Variants in P2RY2 observed in about 807,000 individuals in gnomAD.
The protein encoded by P2RY2 is P2Y purinoceptor 2.
For synonymous variants in P2RY2, 241 were observed against 231.9 expected, an observed-to-expected ratio of 1.04 and a Z score of -0.35; for missense variants, 567 against 515.7, an observed-to-expected ratio of 1.10 and a Z score of -0.96.
chr11:73,222,913 C>A (rs1040238203), intron 1 of P2RY2, among the ~76,000 whole-genome samples: 6 of 152,218 alleles, frequency 3.9e-5, no homozygotes, highest in African/African-American at 1.4e-4. Context: ...AAGGGCCCAG[C>A]AGAGTGCAAT....
intron 2 of P2RY2, among the ~76,000 whole-genome samples, chr11:73,229,852 G>A (rs546398571): frequency 2.8e-4 from 42 of 152,216 alleles, no homozygotes; most frequent in South Asian, 6.2e-4. Flanking sequence ...TGGCGTGAAG[G>A]GGAGACTGGG....
Position 73,234,308 on chromosome 11 carries a change from T to C in P2RY2, c.149T>C (p.Leu50Pro). 1 of 1,613,840 alleles carries C rather than the reference T, an allele frequency of 6.2e-7. No individual in the cohort carries two copies. The highest frequency in any genetic ancestry group is 1.3e-5 in the African/African-American group (1 of 75,044). The change falls in exon 3 of 3, where the codon CTG (leucine) becomes CCG (proline). Residue 50 changes from leucine to proline, a missense_variant. By Grantham distance (98) the Leu-to-Pro change is moderately conservative (BLOSUM62 -3). Transcript: ENST00000393597. ...YGVVCVPGLC[L>P]NAVALYIFLC... ...GTGGTGTGCGTGCCTGGGCTGTGTC[T>C]GAACGCCGTGGCGCTCTACATCTTC...
rs1024848940 is a variant in P2RY2 at position 73,235,741 on chromosome 11, G to A, written c.*448G>A. ...GTCACAGGTTGGCCAGAAAACCCTG[G>A]TAAGTAATGAGGGCTGAGTTTGCAC... On this transcript the variant is annotated 3_prime_UTR_variant, in exon 3 of 3. Coordinates refer to ENST00000393597, the MANE Select transcript of P2RY2 (RefSeq NM_002564.4). 28 of 1,005,698 alleles carry A rather than the reference G, an allele frequency of 2.8e-5. No individual in the cohort carries two copies. The highest frequency in any genetic ancestry group is 5.2e-4 in the Middle Eastern group (1 of 1,938). The allele number at this position is 1,005,698 out of a possible 1,614,324, so 62.3% of individuals were successfully genotyped here. A position where few individuals can be genotyped will look rare whatever the true frequency, so the allele number is the denominator to read the frequency against.
chr11:73,235,895 T>A lies in P2RY2; in HGVS notation c.*602T>A. 1 of 1,000,392 alleles carries A rather than the reference T, an allele frequency of 1.0e-6. No homozygotes were observed. The highest frequency in any genetic ancestry group is 1.2e-6 in the Non-Finnish European group (1 of 830,068). 62.0% of individuals were successfully genotyped at this position (1,000,392 alleles called of 1,614,324 possible). ...GGCTCCCATGGGCTAGGAGCCAGTGTGAGGCTGTAACTTATACTAAAGGTT... is the reference window on the plus strand; with the variant it reads ...GGCTCCCATGGGCTAGGAGCCAGTGAGAGGCTGTAACTTATACTAAAGGTT... On this transcript the variant is annotated 3_prime_UTR_variant, in exon 3 of 3. Transcript: ENST00000393597.
At chr11:73,218,691 T>C (rs1862034410) in intron 1 of P2RY2, 1 of 152,256 alleles carries the variant, frequency 6.6e-6, no homozygotes, top group African/African-American at 2.4e-5. Flanking sequence ...AGTGAGGCTG[T>C]GCGCGTCAGC....
chr11:73,236,169 T>C lies in P2RY2; in HGVS notation c.*876T>C. Reference sequence around the variant, plus strand: ...GAGCACAGAGAAAAGTCAGGTGCAGTCCCAGTCCTTGAGATTTCCCAGTTT... The same window carrying C: ...GAGCACAGAGAAAAGTCAGGTGCAGCCCCAGTCCTTGAGATTTCCCAGTTT... On this transcript the variant is annotated 3_prime_UTR_variant, in exon 3 of 3. Coordinates refer to ENST00000393597, the MANE Select transcript of P2RY2 (RefSeq NM_002564.4). 2.0e-6 allele frequency: 2 copies of C among 1,000,288 alleles called. No individual in the cohort carries two copies. The highest frequency in any genetic ancestry group is 2.4e-6 in the Non-Finnish European group (2 of 830,008). 62.0% of individuals were successfully genotyped at this position (1,000,288 alleles called of 1,614,324 possible). A position where few individuals can be genotyped will look rare whatever the true frequency, so the allele number is the denominator to read the frequency against.
chr11:73,230,848 G>A (rs2135641581), intron 2 of P2RY2, among the ~76,000 whole-genome samples: 1 of 150,902 alleles, frequency 6.6e-6, no homozygotes, highest in South Asian at 2.1e-4. Context: ...CTGAAACAGG[G>A]TAGGAGCGGC....
In P2RY2 at chr11:73,234,328, A is replaced by T; in HGVS notation, c.169A>T (p.Ile57Phe). The part of the protein sequence containing the change: ...GLCLNAVALY[I>F]FLCRLKTWNA... Reference sequence around the variant, plus strand: ...GTGTCTGAACGCCGTGGCGCTCTACATCTTCTTGTGCCGCCTCAAGACCTG... The same window carrying T: ...GTGTCTGAACGCCGTGGCGCTCTACTTCTTCTTGTGCCGCCTCAAGACCTG... Residue 57 changes from isoleucine to phenylalanine, a missense_variant, in exon 3 of 3, where the codon ATC becomes TTC. Coordinates refer to ENST00000393597, the MANE Select transcript of P2RY2 (RefSeq NM_002564.4). 6.2e-7 allele frequency: 1 copy of T among 1,613,786 alleles called. No homozygotes were observed. The highest frequency in any genetic ancestry group is 8.5e-7 in the Non-Finnish European group (1 of 1,179,784).
At chr11:73,225,207 G>A (rs972330703) in intron 1 of P2RY2, among the ~76,000 whole-genome samples, 4 of 152,230 alleles carry the variant, frequency 2.6e-5, no homozygotes, top group African/African-American at 4.8e-5. Context: ...GGGCTGGAAT[G>A]TCATCCAACC....
intron 1 of P2RY2, among the ~76,000 whole-genome samples, chr11:73,221,035 G>T (rs1031121623): frequency 6.6e-6 from 1 of 152,150 alleles, no homozygotes; most frequent in East Asian, 1.9e-4. Context: ...GAGTTGCTAC[G>T]AGGATTAAGA....
At chr11:73,219,955 A>G (rs1163884434) in intron 1 of P2RY2, among the ~76,000 whole-genome samples, 1 of 152,180 alleles carries the variant, frequency 6.6e-6, no homozygotes, top group Non-Finnish European at 1.5e-5. Flanking sequence ...TCCCACCTGA[A>G]CCGTCATGAT....
rs533868423 is a variant in P2RY2 at position 73,238,349 on chromosome 11, C to T, written c.*3056C>T. Among the ~76,000 whole-genome samples, 5 of 152,278 alleles carry T rather than the reference C, an allele frequency of 3.3e-5. No homozygotes were observed. The South Asian group carries it at 1.0e-3, about 32-fold the overall frequency. ...AACTGCATGACATCAGGGCAGGGTC[C>T]CTGGCACACAGGGGTCTCTGCCCTG... On this transcript the variant is annotated 3_prime_UTR_variant, in exon 3 of 3. Transcript: ENST00000393597.
chr11:73,235,107 T>A lies in P2RY2; in HGVS notation c.948T>A (p.Phe316Leu). The part of the protein sequence containing the change: ...YFLAGQRLVR[F>L]ARDAKPPTGP... The stretch of plus-strand genomic sequence containing the variant: ...TGGCTGGGCAGAGGCTCGTACGCTT[T>A]GCCCGAGATGCCAAGCCACCCACTG... The change falls in exon 3 of 3, where the codon TTT becomes TTA. Residue 316 changes from phenylalanine (F) to leucine (L), a missense_variant. Phe to Leu is a conservative substitution (Grantham distance 22). Transcript: ENST00000393597. 6.2e-7 allele frequency: 1 copy of A among 1,606,600 alleles called. No individual in the cohort carries two copies. Among genetic ancestry groups the A allele is most frequent in the South Asian group, 1.1e-5 (1 of 90,956 alleles).
chr11:73,241,232 G>A lies in P2RY2; in HGVS notation c.*5939G>A, dbSNP rs1862767091. On this transcript the variant is annotated 3_prime_UTR_variant, in exon 3 of 3. Transcript: ENST00000393597. Reference sequence around the variant, plus strand: ...CTCTTGTTTCTAATCCACCCAGTCGGTGGCATTTTGTTATAGCAGCCCACG... The same window carrying A: ...CTCTTGTTTCTAATCCACCCAGTCGATGGCATTTTGTTATAGCAGCCCACG... The A allele has an allele frequency of 6.6e-6, 1 of 152,232 alleles. No homozygotes were observed. The highest frequency in any genetic ancestry group is 1.5e-5 in the Non-Finnish European group (1 of 68,042). The allele number at this position is 152,232 out of a possible 1,614,324, so 9.4% of individuals were successfully genotyped here.
At chr11:73,229,755 C>G (rs1238034864) in intron 2 of P2RY2, among the ~76,000 whole-genome samples, 1 of 152,060 alleles carries the variant, frequency 6.6e-6, no homozygotes, top group East Asian at 1.9e-4. Flanking sequence ...TAGGGATTAG[C>G]AGGAAACTCT....
At chr11:73,221,507 G>A (rs1279552637) in intron 1 of P2RY2, among the ~76,000 whole-genome samples, 3 of 152,234 alleles carry the variant, frequency 2.0e-5, no homozygotes, top group Non-Finnish European at 4.4e-5. Context: ...GCTTTCTTGT[G>A]GCCAGATTAC....
chr11:73,218,785 T>A (rs1862036994), intron 1 of P2RY2: 1 of 152,600 alleles, frequency 6.6e-6, no homozygotes, highest in Non-Finnish European at 1.5e-5. Flanking sequence ...TGTCTGTGTG[T>A]GCTCCGATGT....
At position 73,235,335 on chromosome 11, in the gene P2RY2, T is replaced by C. The variant is rs1182544125; in HGVS notation, c.*42T>C. 1 of 1,515,682 alleles carries C rather than the reference T, an allele frequency of 6.6e-7. No individual in the cohort carries two copies. Among genetic ancestry groups the C allele is most frequent in the African/African-American group, 1.4e-5 (1 of 71,746 alleles). 93.9% of individuals were successfully genotyped at this position (1,515,682 alleles called of 1,614,324 possible). ...CCTGTGCAGGTTTATATTGGGAAGC[T>C]GTAGAGGACCAGGACTTGTGCAGAC... On this transcript the variant is annotated 3_prime_UTR_variant, in exon 3 of 3. Transcript: ENST00000393597.
chr11:73,236,959 C>T lies in P2RY2; in HGVS notation c.*1666C>T. The T allele has an allele frequency of 1.0e-6, 1 of 985,312 alleles. No homozygotes were observed. Among genetic ancestry groups the T allele is most frequent in the Non-Finnish European group, 1.2e-6 (1 of 829,886 alleles). 61.0% of individuals were successfully genotyped at this position (985,312 alleles called of 1,614,324 possible). ...TCTTGATCTCAAGGACAGGGACTCCCTCCTCTCCCTCTGGGAGAGCCCTCG... is the reference window on the plus strand; with the variant it reads ...TCTTGATCTCAAGGACAGGGACTCCTTCCTCTCCCTCTGGGAGAGCCCTCG... On this transcript the variant is annotated 3_prime_UTR_variant, in exon 3 of 3. Coordinates refer to ENST00000393597, the MANE Select transcript of P2RY2 (RefSeq NM_002564.4).
Sources: allele counts gnomAD v4.1 joint callset (sites outside exome capture counted in the v4.1 genomes callset), GRCh38; gene constraint gnomAD v4.1.1; transcripts MANE v1.5; gene names NCBI Gene and HGNC (gene_info 2026-07-23, HGNC 2026-07-21).